Variants in COL13A1 observed in about 807,000 individuals in gnomAD.
COL13A1 encodes the protein collagen type XIII alpha 1 chain.
A neutral mutation model predicts 130.9 loss-of-function variants in COL13A1; 89 were observed. That is an observed-to-expected ratio of 0.68 (90% CI 0.57 to 0.81). The LOEUF (loss-of-function observed/expected upper bound fraction) is 0.81. Among genes scored for constraint, COL13A1 ranks in the 30% least tolerant of loss-of-function variants. COL13A1 has a pLI of 0.00. For synonymous variants in COL13A1, 402 were observed against 341.6 expected, an observed-to-expected ratio of 1.18 and a Z score of -1.95; for missense variants, 879 against 934.6, an observed-to-expected ratio of 0.94 and a Z score of 0.78.
At chr10:69,920,269 A>G (rs1261430642) in intron 21 of COL13A1, among the ~76,000 whole-genome samples, 1 of 152,224 alleles carries the variant, frequency 6.6e-6, no homozygotes, top group Non-Finnish European at 1.5e-5. Flanking sequence ...CATCTGACCA[A>G]ATTATAAGCC....
chr10:69,896,044 G>C (rs2061604207), intron 13 of COL13A1, among the ~76,000 whole-genome samples: 1 of 152,162 alleles, frequency 6.6e-6, no homozygotes, highest in Admixed American at 6.5e-5. Flanking sequence ...TTTTCTATTA[G>C]TCACTGTATC....
intron 2 of COL13A1, among the ~76,000 whole-genome samples, chr10:69,848,214 T>C (rs1853686442): frequency 6.6e-6 from 1 of 152,272 alleles, no homozygotes; most frequent in African/African-American, 2.4e-5. Context: ...GATCCAAGTG[T>C]CACAAAGCAG....
chr10:69,904,426 G>C (rs2062522447), intron 15 of COL13A1, among the ~76,000 whole-genome samples: 1 of 152,168 alleles, frequency 6.6e-6, no homozygotes, highest in Non-Finnish European at 1.5e-5. Context: ...CTGCGGTGGA[G>C]CCAGCAGCCT....
chr10:69,953,423 A>C (rs2069997905), intron 39 of COL13A1, among the ~76,000 whole-genome samples: 2 of 152,190 alleles, frequency 1.3e-5, no homozygotes, highest in African/African-American at 2.4e-5. Flanking sequence ...GCGTCTCCTC[A>C]GGGCCACTGA....
chr10:69,854,655 A>G (rs977265270), intron 2 of COL13A1, among the ~76,000 whole-genome samples: 3 of 151,982 alleles, frequency 2.0e-5, no homozygotes, highest in Non-Finnish European at 4.4e-5. Context: ...TTTCACTTGC[A>G]GTTGTACTGA....
At chr10:69,877,505 A>G (rs1397104624) in intron 5 of COL13A1, 1 of 154,062 alleles carries the variant, frequency 6.5e-6, no homozygotes, top group African/African-American at 2.4e-5. Flanking sequence ...CACCAGCATC[A>G]CAACACAGTC....
At chr10:69,877,603 G>A (rs905864274) in intron 5 of COL13A1, 9 of 178,034 alleles carry the variant, frequency 5.1e-5, no homozygotes, top group African/African-American at 2.1e-4. Flanking sequence ...TCCTGACTTA[G>A]GTGGGATCTT....
rs762620509 is a variant in COL13A1 at position 69,935,385 on chromosome 10, A to G, written c.1764A>G (p.Gly588=). The G allele has an allele frequency of 4.5e-6, 7 of 1,564,222 alleles. No homozygotes were observed. Among genetic ancestry groups the G allele is most frequent in the Non-Finnish European group, 6.1e-6 (7 of 1,154,178 alleles). Residue 588 remains glycine, a synonymous_variant, in exon 32 of 41, where the codon GGA becomes GGG. Coordinates refer to ENST00000645393, the MANE Select transcript of COL13A1 (RefSeq NM_001368882.1). ...PGLPGPEGPP[G]PPGLQGVPGP... Reference sequence around the variant, plus strand: ...TGCCAGGGCCAGAGGGGCCTCCCGGACCTCCGGTAAGTTTGGAGGGCTTGT... The same window carrying G: ...TGCCAGGGCCAGAGGGGCCTCCCGGGCCTCCGGTAAGTTTGGAGGGCTTGT...
intron 21 of COL13A1, among the ~76,000 whole-genome samples, chr10:69,920,574 G>A (rs1017568521): frequency 6.6e-6 from 1 of 152,310 alleles, no homozygotes; most frequent in Non-Finnish European, 1.5e-5. Context: ...AGAAGAAGGG[G>A]AAGAAAGAGA....
intron 7 of COL13A1, 108 bp downstream of exon 7, chr10:69,880,661 T>C (rs1408827166): frequency 8.5e-7 from 1 of 1,176,032 alleles, no homozygotes; most frequent in Non-Finnish European, 1.2e-6. Context: ...TGCCCCTGGG[T>C]GGGGAGGCCA....
At chr10:69,856,805 T>A (rs1208114150) in intron 2 of COL13A1, among the ~76,000 whole-genome samples, 1 of 152,154 alleles carries the variant, frequency 6.6e-6, no homozygotes, top group African/African-American at 2.4e-5. Context: ...AGAAGATATC[T>A]CTAGGTCCTG....
intron 2 of COL13A1, among the ~76,000 whole-genome samples, chr10:69,831,723 A>G (rs928108076): frequency 1.3e-5 from 2 of 152,220 alleles, no homozygotes; most frequent in Non-Finnish European, 2.9e-5. Context: ...TGCTGTCTGC[A>G]GGAAGGAGCA....
At chr10:69,885,370 C>A (rs2060504785) in intron 7 of COL13A1, among the ~76,000 whole-genome samples, 1 of 152,160 alleles carries the variant, frequency 6.6e-6, no homozygotes, top group African/African-American at 2.4e-5. Flanking sequence ...AAGAAACAGG[C>A]AGAGAAATAT....
At chr10:69,931,236 G>C (rs1379704030) in intron 30 of COL13A1, 1 of 455,804 alleles carries the variant, frequency 2.2e-6, no homozygotes, top group Admixed American at 2.3e-5. Context: ...GCCTAATCCA[G>C]CTGGGCTCCT....
chr10:69,840,344 C>A (rs1196440420), intron 2 of COL13A1, among the ~76,000 whole-genome samples: 1 of 152,112 alleles, frequency 6.6e-6, no homozygotes, highest in East Asian at 1.9e-4. Flanking sequence ...CTTTAAGTTG[C>A]GTGTCCCCCA....
chr10:69,876,912 T>G (rs1328058087), intron 5 of COL13A1, among the ~76,000 whole-genome samples: 1 of 152,178 alleles, frequency 6.6e-6, no homozygotes, highest in Non-Finnish European at 1.5e-5. Context: ...AAATGCAAAG[T>G]GGCAGCTCTG....
chr10:69,949,965 CGTGTGT>C (rs146294380), intron 38 of COL13A1, among the ~76,000 whole-genome samples: 1 of 87,690 alleles, frequency 1.1e-5, no homozygotes, highest in South Asian at 3.4e-4. Context: ...TTTGTGTGTG[CGTGTGT>C]GTGTGTGTGT....
At chr10:69,875,788 A>G (rs2059516040) in intron 5 of COL13A1, among the ~76,000 whole-genome samples, 1 of 152,262 alleles carries the variant, frequency 6.6e-6, no homozygotes, top group Non-Finnish European at 1.5e-5. Flanking sequence ...CTGAGTGTCT[A>G]CAAAGGGCTA....
intron 1 of COL13A1, among the ~76,000 whole-genome samples, chr10:69,808,887 T>C (rs922378733): frequency 6.6e-6 from 1 of 152,214 alleles, no homozygotes; most frequent in Non-Finnish European, 1.5e-5. Flanking sequence ...AGGGGGTGTT[T>C]CTCAGCAACC....
Sources: gnomAD v4.1 joint callset for allele counts (sites outside exome capture counted in the v4.1 genomes callset) on GRCh38, gnomAD v4.1.1 for gene constraint, MANE v1.5 for transcripts, NCBI Gene and HGNC (gene_info 2026-07-23, HGNC 2026-07-21) for gene names.